The following LARS2 variants were observed in gnomAD, a reference collection of about 807,000 sequenced individuals.
LARS2 encodes the protein leucyl-tRNA synthetase 2, mitochondrial.
A neutral mutation model predicts 116.6 loss-of-function variants in LARS2; 81 were observed. The observed-to-expected ratio is 0.69, with a 90% confidence interval of 0.58 to 0.84. The LOEUF (loss-of-function observed/expected upper bound fraction) is 0.84, where lower values mean the gene tolerates loss of function less well. Ranked by LOEUF, LARS2 falls within the 40% of genes least tolerant of loss-of-function variation. The pLI is 0.00. For missense variants in LARS2, 968 were observed against 1,114.5 expected (o/e 0.87, Z 1.87); for synonymous variants, 396 against 407.2 (o/e 0.97, Z 0.33).
intron 21 of LARS2, among the ~76,000 whole-genome samples, chr3:45,542,559 T>C (rs1197378353): frequency 3.7e-4 from 57 of 152,336 alleles, no homozygotes; most frequent in Non-Finnish European, 1.5e-5. Context: ...TTAAATATGC[T>C]GATGTGTCTG....
intron 7 of LARS2, among the ~76,000 whole-genome samples, chr3:45,447,735 T>C (rs1699045819): frequency 6.6e-6 from 1 of 152,164 alleles, no homozygotes; most frequent in African/African-American, 2.4e-5. Context: ...GACACAGGGT[T>C]CTTGGAAAGA....
chr3:45,525,177 A>G (rs2125759897), intron 20 of LARS2, among the ~76,000 whole-genome samples: 1 of 152,242 alleles, frequency 6.6e-6, no homozygotes, highest in East Asian at 1.9e-4. Context: ...TTATTTTTCC[A>G]GGGTCCCCTT....
At chr3:45,440,575 T>G (rs1698888794) in intron 6 of LARS2, among the ~76,000 whole-genome samples, 2 of 148,794 alleles carry the variant, frequency 1.3e-5, no homozygotes, top group Non-Finnish European at 1.5e-5. Context: ...TTGCCTCGGG[T>G]TTTTTGTTTT....
chr3:45,422,483 C>T (rs1009533893), intron 6 of LARS2: 2 of 152,092 alleles, frequency 1.3e-5, no homozygotes, highest in Non-Finnish European at 2.9e-5. Flanking sequence ...TTACACTTCA[C>T]TGGAATTATT....
intron 6 of LARS2, among the ~76,000 whole-genome samples, chr3:45,430,227 C>G (rs945358651): frequency 6.7e-6 from 1 of 149,150 alleles, no homozygotes; most frequent in Non-Finnish European, 1.5e-5. Flanking sequence ...CCGCCTTGGC[C>G]TCCCAAAGTT....
intron 4 of LARS2, among the ~76,000 whole-genome samples, chr3:45,409,480 C>T (rs766412438): frequency 1.2e-4 from 19 of 152,030 alleles, no homozygotes; most frequent in Non-Finnish European, 2.2e-4. Flanking sequence ...AAGGGAAGCA[C>T]CTAACCCAGT....
intron 10 of LARS2, among the ~76,000 whole-genome samples, chr3:45,481,275 A>G (rs1465968638): frequency 1.3e-5 from 2 of 152,202 alleles, no homozygotes; most frequent in Non-Finnish European, 2.9e-5. Context: ...ATTGATGGAC[A>G]TTTGGGTTAT....
intron 7 of LARS2, among the ~76,000 whole-genome samples, chr3:45,453,098 CA>C (rs1202210167): frequency 6.6e-6 from 1 of 151,958 alleles, no homozygotes; most frequent in Non-Finnish European, 1.5e-5. Flanking sequence ...TGTGAATTTT[CA>C]AAAACCAAGT....
At chr3:45,446,727 A>G (rs533860242) in intron 6 of LARS2, among the ~76,000 whole-genome samples, 164 bp from the exon 7 acceptor site, 2 of 152,354 alleles carry the variant, frequency 1.3e-5, no homozygotes, top group South Asian at 4.1e-4. Flanking sequence ...TCTTTCCAGA[A>G]TAAATTGTGA....
chr3:45,517,288 A>G (rs1176902218), intron 17 of LARS2, among the ~76,000 whole-genome samples: 2 of 152,232 alleles, frequency 1.3e-5, no homozygotes, highest in African/African-American at 4.8e-5. Flanking sequence ...GCCAGACAGT[A>G]CAAGGACCTG....
chr3:45,436,516 C>T (rs1010922508), intron 6 of LARS2, among the ~76,000 whole-genome samples: 3 of 151,952 alleles, frequency 2.0e-5, no homozygotes, highest in South Asian at 2.1e-4. Context: ...CGTTTGTGGC[C>T]GGGCGCGGTG....
At chr3:45,510,098 T>C (rs1476196479) in intron 15 of LARS2, among the ~76,000 whole-genome samples, 1 of 152,016 alleles carries the variant, frequency 6.6e-6, no homozygotes, top group Non-Finnish European at 1.5e-5. Context: ...TGTTAGGAAC[T>C]GGAGACTGAG....
chr3:45,400,410 C>T, intron 4 of LARS2, 37 bp downstream of exon 4: 1 of 1,565,564 alleles, frequency 6.4e-7, no homozygotes, highest in Non-Finnish European at 8.7e-7. Flanking sequence ...CCCTTGTCTG[C>T]CACACGCAGG....
intron 6 of LARS2, among the ~76,000 whole-genome samples, chr3:45,427,353 C>G (rs1178201584): frequency 6.6e-6 from 1 of 152,172 alleles, no homozygotes; most frequent in African/African-American, 2.4e-5. Context: ...CTTGTTAAAG[C>G]ACAGATCTCT....
intron 15 of LARS2, among the ~76,000 whole-genome samples, chr3:45,501,839 G>T (rs1700127870): frequency 6.7e-6 from 1 of 149,680 alleles, no homozygotes; most frequent in South Asian, 2.1e-4. Flanking sequence ...TCAACATTTT[G>T]TACTATCCAA....
Position 45,514,513 on chromosome 3 carries a change from A to G in LARS2, c.1861+1278A>G, listed in dbSNP as rs144097406. On this transcript the variant is annotated intron_variant, in intron 16 of 21. Transcript: ENST00000645846. ...AGTGTCTCTCCAGCATGGATGACAG[A>G]GGGAAAGAGCTAAATTCAGGTGCAC... 3.9e-3 allele frequency among the ~76,000 whole-genome samples: 596 copies of G among 152,346 alleles called. 1 individual carries two copies. Among genetic ancestry groups the G allele is most frequent in the Middle Eastern group, 0.01 (3 of 294 alleles).
At chr3:45,516,442 C>T (rs141408863) in intron 17 of LARS2, among the ~76,000 whole-genome samples, 166 bp downstream of exon 17, 52 of 152,288 alleles carry the variant, frequency 3.4e-4, no homozygotes, top group Admixed American at 2.7e-3. Context: ...CACTCTTAGA[C>T]GGGTGTTGAC....
chr3:45,527,554 G>T (rs552362062), intron 20 of LARS2, among the ~76,000 whole-genome samples: 1 of 151,544 alleles, frequency 6.6e-6, no homozygotes, highest in African/African-American at 2.4e-5. Context: ...AACCCAGGAG[G>T]TGGAGCTTGC....
At chr3:45,432,922 G>A (rs150456042) in intron 6 of LARS2, among the ~76,000 whole-genome samples, 6 of 152,092 alleles carry the variant, frequency 3.9e-5, no homozygotes, top group African/African-American at 1.4e-4. Flanking sequence ...TGTAATGTCT[G>A]TCACTAGTAA....
Sources: gnomAD v4.1 joint callset for allele counts (sites outside exome capture counted in the v4.1 genomes callset) on GRCh38, gnomAD v4.1.1 for gene constraint, MANE v1.5 for transcripts, NCBI Gene and HGNC (gene_info 2026-07-23, HGNC 2026-07-21) for gene names.